ADGRB3: variants seen among roughly 807,000 people sequenced by gnomAD.
ADGRB3 encodes adhesion G protein-coupled receptor B3, also known as brain-specific angiogenesis inhibitor 3.
In ADGRB3, 37 loss-of-function variants were observed where a neutral mutation model predicts 193.4. That is an observed-to-expected ratio of 0.19 (90% confidence interval 0.15 to 0.25). The LOEUF (loss-of-function observed/expected upper bound fraction) is 0.25, where lower values mean the gene tolerates loss of function less well. Among genes scored for constraint, ADGRB3 ranks in the 10% least tolerant of loss-of-function variants. The probability of loss-of-function intolerance (pLI) is 1.00; values close to 1 mark genes in which losing one functional copy is unlikely to be tolerated. For missense variants in ADGRB3, 1,637 were observed against 1,852.9 expected, an observed-to-expected ratio of 0.88 and a Z score of 2.14; for synonymous variants, 690 against 644.2, an observed-to-expected ratio of 1.07 and a Z score of -1.08.
At chr6:68,973,234 C>T (rs1768640693) in intron 8 of ADGRB3, among the ~76,000 whole-genome samples, 1 of 144,014 alleles carries the variant, frequency 6.9e-6, no homozygotes, top group Admixed American at 6.9e-5. Context: ...ACACCTCCAC[C>T]AGCTCTGTCT....
intron 13 of ADGRB3, among the ~76,000 whole-genome samples, chr6:69,040,387 CTT>C (rs2150298190): frequency 1.1e-5 from 1 of 94,966 alleles, no homozygotes; most frequent in African/African-American, 4.0e-5. Flanking sequence ...CCTTCTCTCT[CTT>C]TCTTTCCTTC....
intron 15 of ADGRB3, among the ~76,000 whole-genome samples, chr6:69,061,308 T>A (rs1316739924): frequency 1.3e-5 from 2 of 151,894 alleles, no homozygotes; most frequent in Non-Finnish European, 2.9e-5. Context: ...AGTAAATTCC[T>A]CCAACCACGG....
At chr6:68,824,917 C>T (rs887442944) in intron 3 of ADGRB3, among the ~76,000 whole-genome samples, 2 of 151,890 alleles carry the variant, frequency 1.3e-5, no homozygotes, top group Admixed American at 6.6e-5. Context: ...TGCAGTGGCG[C>T]GATCTCCCTC....
At chr6:69,338,848 A>C in intron 24 of ADGRB3, 68 bp from the exon 25 acceptor site, 1 of 1,392,312 alleles carries the variant, frequency 7.2e-7, no homozygotes, top group South Asian at 1.2e-5. Context: ...GCTAACTTGA[A>C]GCAGCAATTT....
At position 68,995,340 on chromosome 6, in the gene ADGRB3, G is replaced by C. The variant is rs779942720; in HGVS notation, c.1929+1378G>C. On this transcript the variant is annotated intron_variant, in intron 11 of 31. Transcript: ENST00000370598. ...TTTCAAAAAAATTCTCATAAACTCT[G>C]TTCACAGTTGAAACATTAGGTAAAG... 3.3e-5 allele frequency among the ~76,000 whole-genome samples: 5 copies of C among 152,196 alleles called. No individual in the cohort carries two copies. In the East Asian group the frequency reaches 9.7e-4, roughly 29 times the overall value.
intron 17 of ADGRB3, among the ~76,000 whole-genome samples, chr6:69,219,852 C>T (rs1396596045): frequency 2.6e-5 from 4 of 151,812 alleles, no homozygotes; most frequent in Non-Finnish European, 5.9e-5. Context: ...ATAATATAAA[C>T]TATATTGTGC....
intron 3 of ADGRB3, among the ~76,000 whole-genome samples, chr6:68,670,916 G>C (rs1768939359): frequency 6.6e-6 from 1 of 151,556 alleles, no homozygotes; most frequent in Admixed American, 6.6e-5. Context: ...AATTTTTTTG[G>C]TGTCCTCTTT....
At chr6:68,777,339 A>T (rs1156578965) in intron 3 of ADGRB3, among the ~76,000 whole-genome samples, 1 of 152,118 alleles carries the variant, frequency 6.6e-6, no homozygotes, top group African/African-American at 2.4e-5. Flanking sequence ...TACATATCCT[A>T]AATAGAAAAA....
chr6:68,936,339 C>A (rs1767485988), intron 4 of ADGRB3, among the ~76,000 whole-genome samples, 180 bp from the exon 5 acceptor site: 3 of 152,154 alleles, frequency 2.0e-5, no homozygotes, highest in Admixed American at 6.5e-5. Flanking sequence ...TTTGCATCAG[C>A]ATTATATGCA....
chr6:68,671,345 A>T (rs1561989653), intron 3 of ADGRB3, among the ~76,000 whole-genome samples: 1 of 151,962 alleles, frequency 6.6e-6, no homozygotes, highest in Non-Finnish European at 1.5e-5. Context: ...GTCTTAGGGG[A>T]AAGGCTTTCA....
chr6:69,008,770 G>C (rs115543516), intron 11 of ADGRB3, among the ~76,000 whole-genome samples: 1 of 152,124 alleles, frequency 6.6e-6, no homozygotes, highest in Admixed American at 6.6e-5. Context: ...GCTGCTTCCT[G>C]TAGTCCTACA....
chr6:68,930,177 ATTG>A (rs1164932071), intron 3 of ADGRB3, among the ~76,000 whole-genome samples: 1 of 151,930 alleles, frequency 6.6e-6, no homozygotes, highest in Non-Finnish European at 1.5e-5. Context: ...TCTGGGGGTG[ATTG>A]TTGTTTAGCA....
intron 17 of ADGRB3, among the ~76,000 whole-genome samples, chr6:69,111,214 A>G (rs1773356938): frequency 2.0e-5 from 3 of 152,170 alleles, no homozygotes; most frequent in Non-Finnish European, 4.4e-5. Flanking sequence ...ATAATAGCAC[A>G]ACCATTCTTA....
In ADGRB3 at chr6:68,869,038, T is replaced by C. The variant is rs567051185; in HGVS notation, c.758-61521T>C. Reference sequence around the variant, plus strand: ...CTCCCTCAAAGCAAAATGAATACTTTCCAGGAGATGCCAATGAAATTAATG... The same window carrying C: ...CTCCCTCAAAGCAAAATGAATACTTCCCAGGAGATGCCAATGAAATTAATG... On this transcript the variant is annotated intron_variant, in intron 3 of 31. Transcript: ENST00000370598. Among the ~76,000 whole-genome samples the C allele has an allele frequency of 2.0e-5, 3 of 152,084 alleles. No individual in the cohort carries two copies. The South Asian group carries it at 6.2e-4, about 32-fold the overall frequency.
intron 17 of ADGRB3, among the ~76,000 whole-genome samples, chr6:69,147,437 GT>G (rs1401507129): frequency 6.6e-6 from 1 of 152,016 alleles, no homozygotes; most frequent in African/African-American, 2.4e-5. Flanking sequence ...GCATTTCCAT[GT>G]TTTTGTATAG....
At chr6:68,735,443 A>G (rs1765853007) in intron 3 of ADGRB3, among the ~76,000 whole-genome samples, 1 of 152,054 alleles carries the variant, frequency 6.6e-6, no homozygotes, top group African/African-American at 2.4e-5. Context: ...ATAAGAATAT[A>G]GGAAATCATT....
intron 3 of ADGRB3, among the ~76,000 whole-genome samples, chr6:68,916,649 G>C (rs527442765): frequency 6.6e-6 from 1 of 152,260 alleles, no homozygotes; most frequent in South Asian, 2.1e-4. Flanking sequence ...AGTCGGGAAG[G>C]GTCTCTTGAA....
chr6:68,852,289 G>T (rs187365177), intron 3 of ADGRB3, among the ~76,000 whole-genome samples: 1 of 151,950 alleles, frequency 6.6e-6, no homozygotes, highest in Admixed American at 6.6e-5. Context: ...TTCTTAATTA[G>T]TAAGGGCTCC....
chr6:69,019,281 T>G (rs1326947414), intron 13 of ADGRB3, among the ~76,000 whole-genome samples: 1 of 152,004 alleles, frequency 6.6e-6, no homozygotes, highest in Non-Finnish European at 1.5e-5. Flanking sequence ...TTAATACTCT[T>G]AACATAAAAA....
Sources: gnomAD v4.1 joint callset for allele counts (sites outside exome capture counted in the v4.1 genomes callset) on GRCh38, gnomAD v4.1.1 for gene constraint, MANE v1.5 for transcripts, NCBI Gene and HGNC (gene_info 2026-07-23, HGNC 2026-07-21) for gene names.